EPHA6: variants seen among roughly 807,000 people sequenced by gnomAD.
The protein encoded by EPHA6 is ephrin type-A receptor 6.
In EPHA6, 50 loss-of-function variants were observed where a neutral mutation model predicts 112.0. The observed-to-expected ratio is 0.45, with a 90% CI of 0.36 to 0.56. The LOEUF is 0.56. Among genes scored for constraint, EPHA6 ranks in the 20% least tolerant of loss-of-function variants. The pLI, the probability that EPHA6 is intolerant of heterozygous loss-of-function variation, is 0.00. For synonymous variants in EPHA6, 529 were observed against 490.7 expected (o/e 1.08, Z -1.03); for missense variants, 1,280 against 1,417.4 (o/e 0.90, Z 1.56).
chr3:97,568,453 C>T (rs1315763328), intron 11 of EPHA6, among the ~76,000 whole-genome samples: 7 of 152,128 alleles, frequency 4.6e-5, no homozygotes, highest in African/African-American at 1.7e-4. Flanking sequence ...ATATTCAAGG[C>T]CCCCATTGAT....
At chr3:96,872,563 A>C (rs2036690575) in intron 2 of EPHA6, among the ~76,000 whole-genome samples, 1 of 152,048 alleles carries the variant, frequency 6.6e-6, no homozygotes, top group Non-Finnish European at 1.5e-5. Context: ...AAGTCTTTAT[A>C]TCTTCTTCAC....
chr3:97,665,339 A>C (rs2029918767), intron 14 of EPHA6, among the ~76,000 whole-genome samples: 1 of 152,262 alleles, frequency 6.6e-6, no homozygotes, highest in South Asian at 2.1e-4. Flanking sequence ...TTAAAGACTT[A>C]AATGTTAGAC....
At chr3:97,333,312 G>A (rs892099972) in intron 5 of EPHA6, among the ~76,000 whole-genome samples, 10 of 151,652 alleles carry the variant, frequency 6.6e-5, no homozygotes, top group Admixed American at 2.0e-4. Flanking sequence ...TGTGTTGATC[G>A]TGTATCCTAC....
intron 11 of EPHA6, among the ~76,000 whole-genome samples, chr3:97,542,114 T>C (rs2092866469): frequency 6.6e-6 from 1 of 151,688 alleles, no homozygotes; most frequent in African/African-American, 2.4e-5. Context: ...TTTTATACTT[T>C]ACGTTTTAGG....
At chr3:96,993,595 T>C (rs2043300135) in intron 3 of EPHA6, among the ~76,000 whole-genome samples, 1 of 152,132 alleles carries the variant, frequency 6.6e-6, no homozygotes, top group South Asian at 2.1e-4. Flanking sequence ...CACTTTGAAA[T>C]GCTTCAATGT....
At position 97,379,751 on chromosome 3, in the gene EPHA6, C is replaced by CAAAAAAAAA. The variant is rs71623570; in HGVS notation, c.1607-25381_1607-25373dup. ...GCAAGAGGGTGAGACTCTGTCTCCC[C>CAAAAAAAAA]AAAAAAAAAAAAAAAAAAAAAAAAA... On this transcript the variant is annotated intron_variant, in intron 5 of 17. Coordinates refer to ENST00000389672, the MANE Select transcript of EPHA6 (RefSeq NM_001080448.3). Among the ~76,000 whole-genome samples the CAAAAAAAAA allele has an allele frequency of 6.5e-5, 2 of 30,538 alleles. 1 individual carries two copies. Among genetic ancestry groups the CAAAAAAAAA allele is most frequent in the Non-Finnish European group, 2.4e-4 (2 of 8,438 alleles). The allele number at this position is 30,538 out of a possible 152,430, so 20.0% of individuals were successfully genotyped here.
At chr3:97,422,170 A>G (rs145869773) in intron 6 of EPHA6, among the ~76,000 whole-genome samples, 2,300 of 151,164 alleles carry the variant, frequency 0.015, 61 homozygotes, top group African/African-American at 0.05. Flanking sequence ...ATAGTCTCTC[A>G]AAAAACTTTA....
intron 2 of EPHA6, among the ~76,000 whole-genome samples, chr3:96,950,530 C>T (rs1031805902): frequency 6.6e-6 from 1 of 152,066 alleles, no homozygotes; most frequent in South Asian, 2.1e-4. Flanking sequence ...GGAAAAATCA[C>T]TGTATTGGAT....
intron 2 of EPHA6, among the ~76,000 whole-genome samples, chr3:96,933,282 G>T (rs181907254): frequency 5.6e-4 from 86 of 152,216 alleles, no homozygotes; most frequent in African/African-American, 2.0e-3. Flanking sequence ...AAGAAAGTAG[G>T]TGATTAAAAT....
chr3:97,482,529 G>T (rs2091582089), intron 9 of EPHA6, among the ~76,000 whole-genome samples: 1 of 152,130 alleles, frequency 6.6e-6, no homozygotes, highest in African/African-American at 2.4e-5. Flanking sequence ...GTGCTAATTT[G>T]AGAAATATTA....
chr3:96,825,664 G>C (rs1174594995), intron 1 of EPHA6, among the ~76,000 whole-genome samples: 1 of 151,760 alleles, frequency 6.6e-6, no homozygotes, highest in African/African-American at 2.4e-5. Context: ...GAAGCACATA[G>C]AATTAGAAAT....
At chr3:96,842,253 A>G (rs963361436) in intron 1 of EPHA6, among the ~76,000 whole-genome samples, 2 of 152,126 alleles carry the variant, frequency 1.3e-5, no homozygotes, top group African/African-American at 2.4e-5. Context: ...ATAACATGGA[A>G]AATCTCATCC....
chr3:96,839,129 A>G (rs887466093), intron 1 of EPHA6, among the ~76,000 whole-genome samples: 40 of 152,158 alleles, frequency 2.6e-4, no homozygotes, highest in African/African-American at 9.2e-4. Context: ...TTATTTGTAC[A>G]TTTAAACTTA....
chr3:97,587,745 T>C (rs955190203), intron 11 of EPHA6, among the ~76,000 whole-genome samples: 3 of 152,162 alleles, frequency 2.0e-5, no homozygotes, highest in African/African-American at 7.2e-5. Flanking sequence ...GTTGAAGAAA[T>C]TGATTTTCCA....
At chr3:97,654,146 A>T (rs968642978) in intron 14 of EPHA6, among the ~76,000 whole-genome samples, 9 of 151,994 alleles carry the variant, frequency 5.9e-5, no homozygotes, top group Admixed American at 5.9e-4. Flanking sequence ...AATTTTAAAA[A>T]AGAAAGGTAA....
chr3:96,857,701 A>C (rs1192465366), intron 1 of EPHA6, among the ~76,000 whole-genome samples: 1 of 151,120 alleles, frequency 6.6e-6, no homozygotes, highest in South Asian at 2.1e-4. Context: ...CTCATTATAG[A>C]CTACTCTGTT....
At chr3:97,046,591 G>C (rs1255645479) in intron 3 of EPHA6, among the ~76,000 whole-genome samples, 2 of 152,110 alleles carry the variant, frequency 1.3e-5, no homozygotes, top group Non-Finnish European at 2.9e-5. Flanking sequence ...TTGTTATTTA[G>C]AGATATTATT....
intron 3 of EPHA6, among the ~76,000 whole-genome samples, chr3:97,109,953 T>C (rs2047675349): frequency 6.6e-6 from 1 of 152,090 alleles, no homozygotes. Context: ...AGGCATCATA[T>C]CAAGAAGCAT....
At chr3:97,313,815 TA>T (rs1402232335) in intron 5 of EPHA6, among the ~76,000 whole-genome samples, 1 of 151,576 alleles carries the variant, frequency 6.6e-6, no homozygotes, top group Admixed American at 6.6e-5. Flanking sequence ...TATTTTCTTC[TA>T]ATCACTGGAT....
Sources: gnomAD v4.1 joint callset for allele counts (sites outside exome capture counted in the v4.1 genomes callset) on GRCh38, gnomAD v4.1.1 for gene constraint, MANE v1.5 for transcripts, NCBI Gene and HGNC (gene_info 2026-07-23, HGNC 2026-07-21) for gene names.